The following KNG1 variants were observed in gnomAD, a reference collection of about 807,000 sequenced individuals.
The protein encoded by KNG1 is kininogen-1.
Under a neutral mutation model 47.8 loss-of-function variants are expected in KNG1, and 23 were observed. That is an observed-to-expected ratio of 0.48 (90% CI 0.35 to 0.68). KNG1 has a LOEUF of 0.68. Ranked by LOEUF, KNG1 falls within the 30% of genes least tolerant of loss-of-function variation. KNG1 has a pLI of 0.01. For synonymous variants in KNG1, 277 were observed against 277.0 expected (o/e 1.00, Z 0.00); for missense variants, 762 against 790.2 (o/e 0.96, Z 0.43).
intron 7 of KNG1, among the ~76,000 whole-genome samples, chr3:186,733,990 T>C (rs968801731): frequency 6.6e-6 from 1 of 152,158 alleles, no homozygotes; most frequent in African/African-American, 2.4e-5. Flanking sequence ...AGAGCCTACA[T>C]GTCTAGCAAC....
At chr3:186,732,279 C>A (rs1431831097) in intron 6 of KNG1, among the ~76,000 whole-genome samples, 1 of 152,162 alleles carries the variant, frequency 6.6e-6, no homozygotes, top group Non-Finnish European at 1.5e-5. Flanking sequence ...GTTACTCGCA[C>A]TTTCCTATTG....
At position 186,739,117 on chromosome 3, in the gene KNG1, T is replaced by C. The variant is rs748971538; in HGVS notation, c.949T>C (p.Tyr317His). The change falls in exon 8 of 10, where the codon TAT becomes CAT. Residue 317 changes from tyrosine (Y) to histidine (H), a missense_variant. Tyr to His is a moderately conservative substitution (Grantham distance 83). Coordinates refer to ENST00000644859, the MANE Select transcript of KNG1 (RefSeq NM_001102416.3). The stretch of plus-strand genomic sequence containing the variant: ...TTTTCAGGTGGTGGCTGGCAAGAAA[T>C]ATTTTATTGACTTCGTGGCCAGGGA... ...ARVQVVAGKK[Y>H]FIDFVARETT... 1.2e-6 allele frequency: 2 copies of C among 1,614,058 alleles called. No homozygotes were observed. Among genetic ancestry groups the C allele is most frequent in the Non-Finnish European group, 1.7e-6 (2 of 1,179,920 alleles).
At chr3:186,723,118 T>C (rs1387547811) in intron 3 of KNG1, among the ~76,000 whole-genome samples, 1 of 134,312 alleles carries the variant, frequency 7.4e-6, no homozygotes, top group African/African-American at 2.8e-5. Flanking sequence ...TTATCTTCTT[T>C]TTCTTTTTTT....
At chr3:186,735,301 T>C (rs1054342059) in intron 7 of KNG1, among the ~76,000 whole-genome samples, 1 of 151,916 alleles carries the variant, frequency 6.6e-6, no homozygotes, top group African/African-American at 2.4e-5. Flanking sequence ...TGGAGCAACA[T>C]AGCAAGACCC....
At chr3:186,730,431 A>C (rs1341450133) in intron 5 of KNG1, among the ~76,000 whole-genome samples, 1 of 151,664 alleles carries the variant, frequency 6.6e-6, no homozygotes, top group Non-Finnish European at 1.5e-5. Flanking sequence ...TGGTGGGTGG[A>C]TCACTTGAGA....
In KNG1 at chr3:186,720,151, G is replaced by C; in HGVS notation, c.242G>C (p.Gly81Ala). 6.2e-7 allele frequency: 1 copy of C among 1,613,968 alleles called. No individual in the cohort carries two copies. The highest frequency in any genetic ancestry group is 2.2e-5 in the East Asian group (1 of 44,876). The change falls in exon 2 of 10, where the codon GGG becomes GCG. Residue 81 changes from glycine to alanine, a missense_variant. By Grantham distance (60) the Gly-to-Ala change is moderately conservative (BLOSUM62 0). Transcript: ENST00000644859. ...TCCTTCAAGTACGAAATCAAGGAGG[G>C]GGATTGTCCTGTTCAAAGTGGCAAA... ...FYSFKYEIKE[G>A]DCPVQSGKTW...
chr3:186,738,844 C>T (rs888065633), intron 7 of KNG1: 4 of 375,740 alleles, frequency 1.1e-5, no homozygotes, highest in African/African-American at 8.5e-5. Flanking sequence ...GAAACTCCAT[C>T]TCAAAAAAAA....
At chr3:186,720,484 G>T in intron 2 of KNG1, 4 of 398,558 alleles carry the variant, frequency 1.0e-5, no homozygotes, top group Non-Finnish European at 9.4e-6. Context: ...AGACTCCAGA[G>T]AGATAACAAA....
In KNG1 at chr3:186,722,341, T is replaced by C. The variant is rs565629095; in HGVS notation, c.307-96T>C. The C allele has an allele frequency of 1.4e-5, 14 of 999,116 alleles. No homozygotes were observed. The African/African-American group carries it at 1.4e-4, about 10-fold the overall frequency. 61.9% of individuals were successfully genotyped at this position (999,116 alleles called of 1,614,324 possible). Reference sequence around the variant, plus strand: ...TAAAATCTTCACAAGTTTTGTTTTGTTTTGCTTTTTAAGGAAAGCCACATT... The same window carrying C: ...TAAAATCTTCACAAGTTTTGTTTTGCTTTGCTTTTTAAGGAAAGCCACATT... On this transcript the variant is annotated intron_variant, in intron 2 of 9. Transcript: ENST00000644859.
chr3:186,733,942 T>C (rs1190838340), intron 7 of KNG1, among the ~76,000 whole-genome samples: 2 of 152,156 alleles, frequency 1.3e-5, no homozygotes, highest in East Asian at 3.8e-4. Context: ...CACTCCAGCC[T>C]GGGCAACAAG....
chr3:186,725,897 G>A (rs1199467706), intron 4 of KNG1, among the ~76,000 whole-genome samples: 1 of 31,924 alleles, frequency 3.1e-5, no homozygotes, highest in Admixed American at 3.7e-4. Context: ...TACCCACTAA[G>A]TTACAGTTCC....
intron 2 of KNG1, 57 bp from the exon 3 acceptor site, chr3:186,722,380 A>T: frequency 7.4e-7 from 1 of 1,351,840 alleles, no homozygotes; most frequent in Non-Finnish European, 1.1e-6. Context: ...CAACAGTATT[A>T]GGTAGACTTT....
chr3:186,739,294 C>T (rs1262022083), intron 8 of KNG1, 34 bp from the exon 9 acceptor site: 4 of 1,582,174 alleles, frequency 2.5e-6, no homozygotes, highest in Non-Finnish European at 3.5e-6. Flanking sequence ...GTGAATAACA[C>T]TGTCTCTCTT....
rs1323360696 is a variant in KNG1 at position 186,735,767 on chromosome 3, A to C, written c.930+3093A>C. On this transcript the variant is annotated intron_variant, in intron 7 of 9. Coordinates refer to ENST00000644859, the MANE Select transcript of KNG1 (RefSeq NM_001102416.3). Reference sequence around the variant, plus strand: ...CAGTGAGCTGTGATCGTGCCACTGCACTCTAGCCTAGGTGATAGAACAAGA... The same window carrying C: ...CAGTGAGCTGTGATCGTGCCACTGCCCTCTAGCCTAGGTGATAGAACAAGA... The C allele has an allele frequency of 2.6e-5, 4 of 152,268 alleles. No individual in the cohort carries two copies. The East Asian group carries it at 7.7e-4, about 29-fold the overall frequency. 9.4% of individuals were successfully genotyped at this position (152,268 alleles called of 1,614,324 possible).
rs1395427609 is a variant in KNG1 at position 186,717,857 on chromosome 3, CCACCAT to C, written c.195+125_195+130del. The stretch of plus-strand genomic sequence containing the variant: ...ACCCACCACCACCACCCACCACCCA[CCACCAT>C]CACCCACCACCACCACCACAACCAC... On this transcript the variant is annotated intron_variant, in intron 1 of 9. Transcript: ENST00000644859. 1,100 of 602,992 alleles carry C rather than the reference CCACCAT, an allele frequency of 1.8e-3. 21 individuals carry two copies. In the East Asian group the frequency reaches 0.03, roughly 16 times the overall value. 37.4% of individuals were successfully genotyped at this position (602,992 alleles called of 1,614,324 possible). A position where few individuals can be genotyped will look rare whatever the true frequency, so the allele number is the denominator to read the frequency against.
rs764176147 is a variant in KNG1, at chr3:186,743,706, G to A, written c.*1375G>A. On this transcript the variant is annotated 3_prime_UTR_variant, in exon 10 of 10. Coordinates refer to ENST00000644859, the MANE Select transcript of KNG1 (RefSeq NM_001102416.3). Reference sequence around the variant, plus strand: ...AACTGCGTTTTACTATACTTACAGAGTCACCTAAGGTCCTGCGAGTACAAG... The same window carrying A: ...AACTGCGTTTTACTATACTTACAGAATCACCTAAGGTCCTGCGAGTACAAG... The A allele has an allele frequency of 5.0e-6, 8 of 1,612,180 alleles. No individual in the cohort carries two copies. The highest frequency in any genetic ancestry group is 1.3e-5 in the African/African-American group (1 of 75,004).
chr3:186,725,993 C>T (rs573836029), intron 4 of KNG1, among the ~76,000 whole-genome samples: 164 of 151,164 alleles, frequency 1.1e-3, no homozygotes, highest in African/African-American at 3.9e-3. Flanking sequence ...AGCAGTGGCG[C>T]GATCTTGGCT....
At chr3:186,726,304 G>GA (rs1720372645) in intron 4 of KNG1, among the ~76,000 whole-genome samples, 2 of 126,744 alleles carry the variant, frequency 1.6e-5, no homozygotes, top group South Asian at 2.7e-4. Flanking sequence ...TGTTTTTTGA[G>GA]GAAGAGTCTT....
At chr3:186,727,112 T>C (rs907048036) in intron 4 of KNG1, 125 bp from the exon 5 acceptor site, 3 of 718,086 alleles carry the variant, frequency 4.2e-6, no homozygotes, top group Non-Finnish European at 7.4e-6. Flanking sequence ...GTAATAATAA[T>C]ATTTTATATT....
Sources: allele counts gnomAD v4.1 joint callset (sites outside exome capture counted in the v4.1 genomes callset), GRCh38; gene constraint gnomAD v4.1.1; transcripts MANE v1.5; gene names NCBI Gene and HGNC (gene_info 2026-07-23, HGNC 2026-07-21).